Variants in FOCAD observed in about 807,000 individuals in gnomAD.
FOCAD encodes the protein KIAA1797.
FOCAD carries 198 observed loss-of-function variants against 225.6 expected under a neutral mutation model. The ratio of observed to expected loss-of-function variants is 0.88; its 90% CI spans 0.78 to 0.99. The LOEUF (loss-of-function observed/expected upper bound fraction) is 0.99. Among genes scored for constraint, FOCAD ranks in the 50% least tolerant of loss-of-function variants. The pLI, the probability that FOCAD is intolerant of heterozygous loss-of-function variation, is 0.00. For missense variants in FOCAD, 2,713 were observed against 2,123.6 expected (o/e 1.28, Z -5.46); for synonymous variants, 897 against 755.0 (o/e 1.19, Z -3.08).
At chr9:20,862,534 G>T (rs766031135) in intron 15 of FOCAD, 44 bp from the exon 16 acceptor site, 2 of 1,599,000 alleles carry the variant, frequency 1.3e-6, no homozygotes, top group Admixed American at 1.7e-5. Context: ...CTTCATATAG[G>T]TTGGAGTCTT....
At chr9:20,891,814 A>G (rs536838930) in intron 21 of FOCAD, among the ~76,000 whole-genome samples, 2 of 152,346 alleles carry the variant, frequency 1.3e-5, no homozygotes, top group South Asian at 4.1e-4. Flanking sequence ...TGGCTAAACT[A>G]ACCAACACAT....
intron 11 of FOCAD, among the ~76,000 whole-genome samples, chr9:20,819,411 C>T (rs1229991955): frequency 6.6e-6 from 1 of 151,886 alleles, no homozygotes; most frequent in Non-Finnish European, 1.5e-5. Context: ...ACAGGGTCTT[C>T]CTGTGTTGCC....
chr9:20,850,466 G>A (rs1198962894), intron 15 of FOCAD, among the ~76,000 whole-genome samples: 1 of 151,630 alleles, frequency 6.6e-6, no homozygotes. Flanking sequence ...AAATTGCTAT[G>A]GCATTTTATC....
At chr9:20,845,825 A>T (rs1827050162) in intron 15 of FOCAD, among the ~76,000 whole-genome samples, 2 of 152,024 alleles carry the variant, frequency 1.3e-5, no homozygotes, top group Admixed American at 1.3e-4. Flanking sequence ...TTGTAACTAA[A>T]TTTCTGATTC....
chr9:20,759,933 C>G (rs879546114), intron 6 of FOCAD, among the ~76,000 whole-genome samples: 4 of 152,216 alleles, frequency 2.6e-5, no homozygotes, highest in Admixed American at 2.6e-4. Flanking sequence ...CAAGTGGGAT[C>G]AGATAGCCAC....
At chr9:20,777,355 C>G (rs1210963428) in intron 8 of FOCAD, among the ~76,000 whole-genome samples, 1 of 131,022 alleles carries the variant, frequency 7.6e-6, no homozygotes, top group Non-Finnish European at 1.6e-5. Context: ...GGTACTTCTG[C>G]TCTGCAGGCA....
At chr9:20,663,283 A>C (rs190478274) in intron 2 of FOCAD, among the ~76,000 whole-genome samples, 4 of 152,242 alleles carry the variant, frequency 2.6e-5, no homozygotes, top group Non-Finnish European at 5.9e-5. Context: ...TCCTGAGCTC[A>C]GGAGTTTGAG....
At chr9:20,778,146 G>A (rs1283886615) in intron 8 of FOCAD, among the ~76,000 whole-genome samples, 2 of 150,520 alleles carry the variant, frequency 1.3e-5, no homozygotes, top group Admixed American at 1.3e-4. Context: ...CTGATCTGCT[G>A]TGTTGAGTTT....
At chr9:20,719,588 A>G (rs1825614024) in intron 3 of FOCAD, among the ~76,000 whole-genome samples, 1 of 151,992 alleles carries the variant, frequency 6.6e-6, no homozygotes, top group South Asian at 2.1e-4. Flanking sequence ...TTAGTAGTGA[A>G]CCATTTTGGT....
intron 42 of FOCAD, among the ~76,000 whole-genome samples, chr9:20,992,521 A>G (rs553763186): frequency 3.2e-4 from 48 of 152,332 alleles, no homozygotes; most frequent in African/African-American, 1.1e-3. Flanking sequence ...AGCCAAGTGT[A>G]CTTGGGTTCA....
chr9:20,697,244 C>T (rs2131378178), intron 1 of FOCAD, among the ~76,000 whole-genome samples: 1 of 152,322 alleles, frequency 6.6e-6, no homozygotes, highest in South Asian at 2.1e-4. Flanking sequence ...ATTGATGTAA[C>T]CTAACTGGTC....
At chr9:20,732,413 G>T (rs1480110212) in intron 4 of FOCAD, among the ~76,000 whole-genome samples, 1 of 152,174 alleles carries the variant, frequency 6.6e-6, no homozygotes, top group African/African-American at 2.4e-5. Context: ...AATAGTATGT[G>T]CCAAGTTCCT....
At chr9:20,808,398 A>AGT (rs1465800504) in intron 11 of FOCAD, among the ~76,000 whole-genome samples, 1 of 152,182 alleles carries the variant, frequency 6.6e-6, no homozygotes, top group Middle Eastern at 3.2e-3. Flanking sequence ...TTCACAGGCT[A>AGT]GTGTGTGTGA....
At chr9:20,890,569 T>C (rs1385593928) in intron 21 of FOCAD, among the ~76,000 whole-genome samples, 1 of 152,132 alleles carries the variant, frequency 6.6e-6, no homozygotes, top group Non-Finnish European at 1.5e-5. Context: ...TCATTCTGTG[T>C]GCTAAAATTT....
upstream of FOCAD, among the ~76,000 whole-genome samples, chr9:20,682,899 T>G (rs926109688): frequency 6.6e-6 from 1 of 152,034 alleles, no homozygotes; most frequent in Non-Finnish European, 1.5e-5. Flanking sequence ...GCCTCCTGAG[T>G]AGAGTAGCCG....
At chr9:20,723,116 C>G (rs926358446) in intron 4 of FOCAD, among the ~76,000 whole-genome samples, 3 of 152,146 alleles carry the variant, frequency 2.0e-5, no homozygotes, top group Non-Finnish European at 4.4e-5. Flanking sequence ...AAAGTATAAG[C>G]TTTGCAGATA....
intron 5 of FOCAD, among the ~76,000 whole-genome samples, chr9:20,753,308 G>A (rs1587021218): frequency 6.6e-6 from 1 of 151,832 alleles, no homozygotes; most frequent in East Asian, 1.9e-4. Context: ...GTCATAGATA[G>A]CTCTTATTAT....
At chr9:20,670,411 T>A (rs1030883763) in intron 2 of FOCAD, among the ~76,000 whole-genome samples, 1 of 152,200 alleles carries the variant, frequency 6.6e-6, no homozygotes, top group Non-Finnish European at 1.5e-5. Context: ...GTTTGATTGA[T>A]ACAGTTCTGC....
chr9:20,961,846 A>G (rs1838760583), intron 35 of FOCAD, among the ~76,000 whole-genome samples: 1 of 152,158 alleles, frequency 6.6e-6, no homozygotes. Flanking sequence ...TCCTGATTTT[A>G]AGAGGCCTTG....
Sources: gnomAD v4.1 joint callset for allele counts (sites outside exome capture counted in the v4.1 genomes callset) on GRCh38, gnomAD v4.1.1 for gene constraint, MANE v1.5 for transcripts, NCBI Gene and HGNC (gene_info 2026-07-23, HGNC 2026-07-21) for gene names.